The following FAT2 variants were observed in gnomAD, a reference collection of about 807,000 sequenced individuals.
The protein encoded by FAT2 is FAT atypical cadherin 2.
FAT2 carries 150 observed loss-of-function variants against 295.3 expected under a neutral mutation model. The observed-to-expected ratio is 0.51, with a 90% CI of 0.44 to 0.58. The LOEUF (loss-of-function observed/expected upper bound fraction) is 0.58. FAT2 is among the 20% of genes least tolerant of loss of function. FAT2 has a pLI of 0.00. For synonymous variants in FAT2, 2,026 were observed against 2,150.3 expected, an observed-to-expected ratio of 0.94 and a Z score of 1.60; for missense variants, 4,868 against 5,442.7, an observed-to-expected ratio of 0.89 and a Z score of 3.32.
At position 151,537,957 on chromosome 5, in the gene FAT2, A is replaced by G. The variant is rs763338605; in HGVS notation, c.9040-11T>C. On this transcript the variant is annotated splice_polypyrimidine_tract_variant and intron_variant, in intron 11 of 23. Coordinates refer to ENST00000261800, the MANE Select transcript of FAT2 (RefSeq NM_001447.3). ...GCCAGTATAGAGAAGCTAGAGATGG[A>G]AAGACAAAGAAGAGGGAGACTGTGG... is the stretch of plus-strand genomic sequence containing the variant. 1.9e-6 allele frequency: 3 copies of G among 1,612,880 alleles called. No homozygotes were observed. The highest frequency in any genetic ancestry group is 4.5e-5 in the East Asian group (2 of 44,878).
intron 12 of FAT2, among the ~76,000 whole-genome samples, chr5:151,535,394 T>C (rs1469279406): frequency 3.9e-5 from 6 of 152,034 alleles, no homozygotes; most frequent in Non-Finnish European, 8.8e-5. Context: ...TCTCCTGCCT[T>C]ATACCCTGGG....
intron 9 of FAT2, among the ~76,000 whole-genome samples, chr5:151,547,791 T>A (rs1756787545): frequency 6.6e-6 from 1 of 152,218 alleles, no homozygotes; most frequent in African/African-American, 2.4e-5. Flanking sequence ...AAATTGTATA[T>A]TCATTATGAT....
At chr5:151,537,593 C>G (rs1340574288) in intron 12 of FAT2, among the ~76,000 whole-genome samples, 200 bp downstream of exon 12, 1 of 152,206 alleles carries the variant, frequency 6.6e-6, no homozygotes, top group East Asian at 1.9e-4. Flanking sequence ...CCCTTTCCCA[C>G]TAGATTATAA....
rs776516892 is a variant in FAT2 at position 151,549,357 on chromosome 5, T to C, written c.4727A>G (p.Gln1576Arg). The C allele has an allele frequency of 4.3e-6, 7 of 1,613,930 alleles. No homozygotes were observed. The highest frequency in any genetic ancestry group is 4.5e-5 in the East Asian group (2 of 44,900). ...DTIAPGTELL[Q>R]VRAMDADRGV... ...CCGGTCAGCATCCATGGCTCGGACC[T>C]GCAGCAGCTCTGTGCCGGGGGCTAT... Residue 1576 changes from glutamine to arginine, a missense_variant, in exon 9 of 24, where the codon CAG (glutamine) becomes CGG (arginine). Physicochemically the swap from Gln to Arg is conservative, Grantham distance 43. Coordinates refer to ENST00000261800, the MANE Select transcript of FAT2 (RefSeq NM_001447.3).
rs778184569 is a variant in FAT2, at chr5:151,512,322, G to A, written c.11748C>T (p.Val3916=). The A allele has an allele frequency of 6.2e-6, 10 of 1,614,060 alleles. No homozygotes were observed. Among genetic ancestry groups the A allele is most frequent in the South Asian group, 2.2e-5 (2 of 91,084 alleles). The part of the protein sequence containing the change: ...SQGFEGCLDA[V]VVNEEALDLL... ...GATCTAGAGCCTCTTCGTTGACCAC[G>A]ACAGCATCCAGGCAGCCTTCAAAGC... The change falls in exon 21 of 24, where the codon GTC becomes GTT. Residue 3916 remains valine, a synonymous_variant. Transcript: ENST00000261800. The surrounding 1 kb of genome is among the most constrained non-coding windows in gnomAD (Gnocchi z 4.1).
Position 151,545,197 on chromosome 5 carries a change from A to G in FAT2, c.5930T>C (p.Val1977Ala). 3.1e-6 allele frequency: 5 copies of G among 1,614,196 alleles called. No homozygotes were observed. Among genetic ancestry groups the G allele is most frequent in the Non-Finnish European group, 4.2e-6 (5 of 1,180,030 alleles). ...QFDQDVYWAA[V>A]KENLQDRKAL... ...CTTTCTGTCCTGCAAGTTCTCCTTC[A>G]CAGCTGCCCAGTAGACATCCTGATC... The change falls in exon 10 of 24, where the codon GTG becomes GCG. Residue 1977 changes from valine (V) to alanine (A), a missense_variant. Physicochemically the swap from Val to Ala is moderately conservative, Grantham distance 64. This residue lies in a region of FAT2 where 3,297 missense variants were observed against 3,669.4 expected (regional missense o/e 0.90). Transcript: ENST00000261800.
intron 20 of FAT2, among the ~76,000 whole-genome samples, chr5:151,516,167 A>G (rs1280728028): frequency 6.6e-6 from 1 of 152,174 alleles, no homozygotes. Flanking sequence ...ATTATTGCTC[A>G]ATTATTATCT....
At chr5:151,580,987 T>C (rs1758931205) in intron 1 of FAT2, among the ~76,000 whole-genome samples, 1 of 151,986 alleles carries the variant, frequency 6.6e-6, no homozygotes, top group South Asian at 2.1e-4. Flanking sequence ...CTTCTCCTTG[T>C]TCCCTTCCGT....
intron 22 of FAT2, among the ~76,000 whole-genome samples, chr5:151,507,920 T>C (rs993536999): frequency 6.6e-6 from 1 of 152,206 alleles, no homozygotes; most frequent in Non-Finnish European, 1.5e-5. Context: ...CCCATATCAC[T>C]GCAGTAGAGA....
rs1185898636 is a variant in FAT2 at position 151,566,910 on chromosome 5, C to G, written c.2022G>C (p.Gly674=). 1.2e-6 allele frequency: 2 copies of G among 1,614,084 alleles called. No homozygotes were observed. The highest frequency in any genetic ancestry group is 1.3e-5 in the African/African-American group (1 of 75,032). Residue 674 remains glycine (G), a synonymous_variant, in exon 2 of 24, where the codon GGG becomes GGC. Transcript: ENST00000261800. Reference sequence around the variant, plus strand: ...TAGTCTTTGTGAATTGTGTCAATACCCCTGTTTTATCACATGTTACAGGAA... The same window carrying G: ...TAGTCTTTGTGAATTGTGTCAATACGCCTGTTTTATCACATGTTACAGGAA... The part of the protein sequence containing the change: ...FEVPVTCDKT[G]VLTQFTKTIL...
rs148551207 is a variant in FAT2, at chr5:151,543,367, G to A, written c.7760C>T (p.Ala2587Val). 199 of 1,614,062 alleles carry A rather than the reference G, an allele frequency of 1.2e-4. No homozygotes were observed. Among genetic ancestry groups the A allele is most frequent in the Admixed American group, 4.2e-4 (25 of 60,004 alleles). Residue 2587 changes from alanine to valine, a missense_variant, in exon 10 of 24, where the codon GCA (alanine) becomes GTA (valine). By Grantham distance (64) the Ala-to-Val change is moderately conservative. Around this residue, in one of 5 missense-constraint regions of FAT2, gnomAD observed 3,297 missense variants for 3,669.4 expected, o/e 0.90. Coordinates refer to ENST00000261800, the MANE Select transcript of FAT2 (RefSeq NM_001447.3). ...TTGAATGGATACTGTGTACTCAGAT[G>A]CTTTGAACTGTGGGGGGTTGTCATT... Reference protein sequence around the residue: ...DENDNPPQFKASEYTVSIQSN... With the variant: ...DENDNPPQFKVSEYTVSIQSN...
chr5:151,508,958 C>T (rs1761102106), intron 22 of FAT2, among the ~76,000 whole-genome samples: 1 of 152,132 alleles, frequency 6.6e-6, no homozygotes, highest in African/African-American at 2.4e-5. Context: ...TTTCATGTCT[C>T]TTTCATGATT....
In FAT2 at chr5:151,505,820, G is replaced by A. The variant is rs761235764; in HGVS notation, c.12795C>T (p.Ala4265=). ...TGGCCGTGTACTCATTGAGACAGGGGGCAACCAGGCGCTCCCGGGGACTAG... is the reference window on the plus strand; with the variant it reads ...TGGCCGTGTACTCATTGAGACAGGGAGCAACCAGGCGCTCCCGGGGACTAG... ...RPPSPRERLV[A]PCLNEYTAIS... Residue 4265 remains alanine, a synonymous_variant, in exon 24 of 24, where the codon GCC becomes GCT. Coordinates refer to ENST00000261800, the MANE Select transcript of FAT2 (RefSeq NM_001447.3). 6.2e-7 allele frequency: 1 copy of A among 1,613,474 alleles called. No homozygotes were observed. The highest frequency in any genetic ancestry group is 8.5e-7 in the Non-Finnish European group (1 of 1,179,788).
chr5:151,566,810 T>A lies in FAT2; in HGVS notation c.2122A>T (p.Asn708Tyr), dbSNP rs1187546150. The A allele has an allele frequency of 2.0e-5, 33 of 1,614,060 alleles. No individual in the cohort carries two copies. Among genetic ancestry groups the A allele is most frequent in the Non-Finnish European group, 2.8e-5 (33 of 1,180,038 alleles). ...TCCTCAAACTGTGGGGTGTAATGAT[T>A]AATCTGATATGTGCTTAAAGAAGTG... is the stretch of plus-strand genomic sequence containing the variant. ...EFTSLSTYQI[N>Y]HYTPQFEDHF... is the part of the protein sequence containing the mutation. Residue 708 changes from asparagine (N) to tyrosine (Y), a missense_variant, in exon 2 of 24, where the codon AAT (asparagine) becomes TAT (tyrosine). This residue lies in a region of FAT2 where 3,297 missense variants were observed against 3,669.4 expected (regional missense o/e 0.90). Transcript: ENST00000261800.
rs1760827201 is a variant in FAT2, at chr5:151,505,961, C to T, written c.12654G>A (p.Glu4218=). ...HRHSTPVVMP[E]PNGLYGGFPF... ...GGAAGCCCCCATAGAGGCCATTAGG[C>T]TCTGGCATCACGACTGGGGTTGAGT... Residue 4218 remains glutamate, a synonymous_variant, in exon 24 of 24, where the codon GAG becomes GAA. Transcript: ENST00000261800. 6.4e-7 allele frequency: 1 copy of T among 1,573,908 alleles called. No individual in the cohort carries two copies. The highest frequency in any genetic ancestry group is 2.2e-5 in the East Asian group (1 of 44,544).
intron 8 of FAT2, 73 bp downstream of exon 8, chr5:151,550,517 A>G: frequency 6.6e-7 from 1 of 1,518,134 alleles, no homozygotes; most frequent in South Asian, 1.2e-5. Context: ...GACCTTCAGC[A>G]TGTCTCCAAG....
intron 1 of FAT2, among the ~76,000 whole-genome samples, chr5:151,571,589 A>G (rs1326687891): frequency 6.6e-6 from 1 of 152,210 alleles, no homozygotes; most frequent in Non-Finnish European, 1.5e-5. Context: ...GCACCCTTGG[A>G]TGGTGGCTTG....
At position 151,528,076 on chromosome 5, in the gene FAT2, C is replaced by T. The variant is rs1414501361; in HGVS notation, c.10084G>A (p.Gly3362Arg). 3.1e-6 allele frequency: 5 copies of T among 1,614,220 alleles called. No homozygotes were observed. Among genetic ancestry groups the T allele is most frequent in the South Asian group, 2.2e-5 (2 of 91,086 alleles). ...GTGAAGTGCCCAAGCTGGTTCCCTCCTATGAGGCTATAGGTAATGTCACTA... is the reference window on the plus strand; with the variant it reads ...GTGAAGTGCCCAAGCTGGTTCCCTCTTATGAGGCTATAGGTAATGTCACTA... Reference protein sequence around the residue: ...LNSDITYSLIGGNQLGHFTIH... With the variant: ...LNSDITYSLIRGNQLGHFTIH... Residue 3362 changes from glycine (G) to arginine (R), a missense_variant, in exon 16 of 24, where the codon GGA (glycine) becomes AGA (arginine). Gly to Arg is a moderately radical substitution (Grantham distance 125, BLOSUM62 -2). Transcript: ENST00000261800.
At chr5:151,587,416 T>C (rs1759221265) in intron 1 of FAT2, among the ~76,000 whole-genome samples, 1 of 152,206 alleles carries the variant, frequency 6.6e-6, no homozygotes, top group Admixed American at 6.5e-5. Flanking sequence ...ACCCAATTTA[T>C]AGGTTCCTGC....
Sources: allele counts gnomAD v4.1 joint callset (sites outside exome capture counted in the v4.1 genomes callset), GRCh38; gene constraint gnomAD v4.1.1; regional missense constraint gnomAD v4.1.1; non-coding constraint Gnocchi (gnomAD v3.1); transcripts MANE v1.5; gene names NCBI Gene and HGNC (gene_info 2026-07-23, HGNC 2026-07-21).